RIT2: variants seen among roughly 807,000 people sequenced by gnomAD.
RIT2 encodes the protein GTP-binding protein Rit2.
A neutral mutation model predicts 23.7 loss-of-function variants in RIT2; 24 were observed. That is an observed-to-expected ratio of 1.01 (90% CI 0.73 to 1.43). The LOEUF is 1.43. RIT2 is among the 40% of genes most tolerant of loss of function. RIT2 has a pLI of 0.00. For missense variants in RIT2, 236 were observed against 266.9 expected (o/e 0.88, Z 0.81); for synonymous variants, 107 against 91.1 (o/e 1.17, Z -0.99).
At chr18:43,096,828 C>A (rs1913565772) in intron 1 of RIT2, among the ~76,000 whole-genome samples, 1 of 151,688 alleles carries the variant, frequency 6.6e-6, no homozygotes, top group Admixed American at 6.6e-5. Flanking sequence ...AATTACTCAA[C>A]ATGATTGATA....
intron 3 of RIT2, among the ~76,000 whole-genome samples, chr18:42,938,158 A>G (rs1443417326): frequency 6.6e-6 from 1 of 152,230 alleles, no homozygotes; most frequent in Non-Finnish European, 1.5e-5. Context: ...GATGTTTAAA[A>G]TTGGGCATTT....
chr18:43,057,406 C>T (rs993929530), intron 1 of RIT2, among the ~76,000 whole-genome samples: 26 of 152,150 alleles, frequency 1.7e-4, no homozygotes, highest in African/African-American at 5.8e-4. Flanking sequence ...ACCTCATCTC[C>T]AGGATTTTCA....
intron 4 of RIT2, among the ~76,000 whole-genome samples, chr18:42,824,108 A>G (rs1215244831): frequency 3.3e-5 from 5 of 152,162 alleles, no homozygotes; most frequent in Admixed American, 3.3e-4. Context: ...TAATAATTTC[A>G]CTATTACTAA....
intron 4 of RIT2, among the ~76,000 whole-genome samples, chr18:42,761,191 A>G (rs1170349170): frequency 6.6e-6 from 1 of 151,922 alleles, no homozygotes; most frequent in Non-Finnish European, 1.5e-5. Context: ...GTTTTCCTTC[A>G]TTATCCTGTT....
intron 4 of RIT2, among the ~76,000 whole-genome samples, chr18:42,903,465 A>G (rs1408667682): frequency 6.6e-6 from 1 of 152,166 alleles, no homozygotes; most frequent in East Asian, 1.9e-4. Context: ...AATAAAATAT[A>G]TATGTATAGA....
chr18:42,838,879 T>C (rs1469063536), intron 4 of RIT2, among the ~76,000 whole-genome samples: 1 of 152,142 alleles, frequency 6.6e-6, no homozygotes, highest in Middle Eastern at 3.2e-3. Context: ...CATATGGTAT[T>C]GAAACTGGCA....
At chr18:42,800,270 C>T (rs1275260129) in intron 4 of RIT2, among the ~76,000 whole-genome samples, 1 of 152,038 alleles carries the variant, frequency 6.6e-6, no homozygotes. Context: ...AGCACATTTC[C>T]CTGAAGCATA....
intron 1 of RIT2, among the ~76,000 whole-genome samples, chr18:43,038,317 T>G (rs866066032): frequency 2.0e-5 from 3 of 151,414 alleles, no homozygotes; most frequent in South Asian, 2.1e-4. Context: ...ATCGTGGTTT[T>G]TTTTTTTTTT....
chr18:42,940,114 T>C (rs1386764986), intron 3 of RIT2, among the ~76,000 whole-genome samples: 1 of 151,294 alleles, frequency 6.6e-6, no homozygotes, highest in Non-Finnish European at 1.5e-5. Flanking sequence ...CATTTGTTTA[T>C]GCAGCTCCCT....
At chr18:42,959,216 T>C (rs1910043260) in intron 3 of RIT2, among the ~76,000 whole-genome samples, 1 of 152,226 alleles carries the variant, frequency 6.6e-6, no homozygotes, top group Non-Finnish European at 1.5e-5. Context: ...ACTATTTCTA[T>C]TGCTTACAAA....
intron 4 of RIT2, among the ~76,000 whole-genome samples, chr18:42,778,113 G>A: frequency 7.1e-6 from 1 of 140,154 alleles, no homozygotes; most frequent in East Asian, 2.1e-4. Flanking sequence ...TGTGCTTTTA[G>A]AGCAAAGGCA....
chr18:42,959,102 A>G (rs1020134993), intron 3 of RIT2, among the ~76,000 whole-genome samples: 2 of 152,092 alleles, frequency 1.3e-5, no homozygotes, highest in Non-Finnish European at 2.9e-5. Flanking sequence ...ACTAGACCAC[A>G]CTTCATGAAG....
At chr18:43,086,390 AT>A (rs1160518073) in intron 1 of RIT2, among the ~76,000 whole-genome samples, 2 of 152,222 alleles carry the variant, frequency 1.3e-5, no homozygotes, top group Non-Finnish European at 2.9e-5. Flanking sequence ...TCCTAGAAAC[AT>A]GCAACCTACC....
chr18:43,026,622 AAGAAAGAAAGAAAGAG>A (rs1399580355), intron 2 of RIT2, among the ~76,000 whole-genome samples: 65 of 137,778 alleles, frequency 4.7e-4, no homozygotes, highest in African/African-American at 1.6e-3. Flanking sequence ...GAAAGAAAGA[AAGAAAGAAAGAAAGAG>A]AGAAAGAAGG....
At position 43,090,631 on chromosome 18, in the gene RIT2, G is replaced by T. The variant is rs186474756; in HGVS notation, c.103+24786C>A. 1.4e-3 allele frequency among the ~76,000 whole-genome samples: 210 copies of T among 152,130 alleles called. 2 individuals carry two copies. The highest frequency in any genetic ancestry group is 0.013 in the Admixed American group (200 of 15,258). On this transcript the variant is annotated intron_variant, in intron 1 of 4. Transcript: ENST00000326695. ...CATATCAATCTAAATGTCCAATAAC[G>T]GTAGACTGGATAAAGAGATTGTGGT...
intron 4 of RIT2, among the ~76,000 whole-genome samples, chr18:42,824,440 C>A (rs1050519590): frequency 6.6e-6 from 1 of 152,052 alleles, no homozygotes; most frequent in Non-Finnish European, 1.5e-5. Flanking sequence ...GTGCAATATT[C>A]ATAGCTATTT....
chr18:43,034,873 A>C (rs896385249), intron 1 of RIT2, among the ~76,000 whole-genome samples: 1 of 152,048 alleles, frequency 6.6e-6, no homozygotes, highest in Non-Finnish European at 1.5e-5. Flanking sequence ...CCTCTTAGGA[A>C]TTTTCCATGC....
At chr18:42,747,184 A>G (rs946578835) in intron 4 of RIT2, among the ~76,000 whole-genome samples, 11 of 152,012 alleles carry the variant, frequency 7.2e-5, no homozygotes, top group African/African-American at 2.4e-4. Flanking sequence ...TCCTAGATAA[A>G]TGAATTCAGC....
At chr18:42,820,287 G>A (rs923660939) in intron 4 of RIT2, among the ~76,000 whole-genome samples, 3 of 151,914 alleles carry the variant, frequency 2.0e-5, no homozygotes, top group African/African-American at 7.3e-5. Flanking sequence ...TCTTGGAGCT[G>A]TAGATATACA....
Sources: gnomAD v4.1 joint callset for allele counts (sites outside exome capture counted in the v4.1 genomes callset) on GRCh38, gnomAD v4.1.1 for gene constraint, MANE v1.5 for transcripts, NCBI Gene and HGNC (gene_info 2026-07-23, HGNC 2026-07-21) for gene names.